The following RPS3A variants were observed in gnomAD, a reference collection of about 807,000 sequenced individuals.
RPS3A encodes the protein ribosomal protein S3A.
A neutral mutation model predicts 26.4 loss-of-function variants in RPS3A; 1 was observed. The ratio of observed to expected loss-of-function variants is 0.04; its 90% CI spans 0.01 to 0.18. The LOEUF (loss-of-function observed/expected upper bound fraction) is 0.18, where lower values mean the gene tolerates loss of function less well. RPS3A is among the 10% of genes least tolerant of loss of function. The probability of loss-of-function intolerance (pLI) is 1.00; values close to 1 mark genes in which losing one functional copy is unlikely to be tolerated. For synonymous variants in RPS3A, 97 were observed against 106.1 expected, an observed-to-expected ratio of 0.91 and a Z score of 0.53; for missense variants, 139 against 326.8, an observed-to-expected ratio of 0.43 and a Z score of 4.43.
chr4:151,099,659 G>A lies in RPS3A; in HGVS notation c.7G>A (p.Val3Ile). ...TGGCTCTCTGACCAGCACCATGGCG[G>A]TTGGCAAGAACAAGCGCCTTACGAA... MA[V>I]GKNKRLTKGG... The change falls in exon 1 of 6, where the codon GTT becomes ATT. Residue 3 changes from valine to isoleucine, a missense_variant. Coordinates refer to ENST00000274065, the MANE Select transcript of RPS3A (RefSeq NM_001006.5). The A allele has an allele frequency of 6.2e-7, 1 of 1,613,972 alleles. No individual in the cohort carries two copies. Among genetic ancestry groups the A allele is most frequent in the Non-Finnish European group, 8.5e-7 (1 of 1,179,964 alleles).
At chr4:151,100,187 C>T (rs1747057785) in intron 1 of RPS3A, among the ~76,000 whole-genome samples, 1 of 152,158 alleles carries the variant, frequency 6.6e-6, no homozygotes, top group Non-Finnish European at 1.5e-5. Context: ...AATGAGATTG[C>T]ATGTTACTCG....
At chr4:151,100,298 G>A in intron 1 of RPS3A, 187 bp from the exon 2 acceptor site, 1 of 570,452 alleles carries the variant, frequency 1.8e-6, no homozygotes, top group Non-Finnish European at 3.1e-6. Context: ...AAAGTCTGAT[G>A]CATGCAGTGA....
chr4:151,103,728 C>G (rs895886469), intron 4 of RPS3A: 4 of 1,122,818 alleles, frequency 3.6e-6, no homozygotes, highest in Admixed American at 6.4e-5. Flanking sequence ...ATAGGGAGAC[C>G]CTGTCCCAAA....
At position 151,100,552 on chromosome 4, in the gene RPS3A, A is replaced by G; in HGVS notation, c.130A>G (p.Ile44Val). Residue 44 changes from isoleucine (I) to valine (V), a missense_variant, in exon 2 of 6, where the codon ATT (isoleucine) becomes GTT (valine). Coordinates refer to ENST00000274065, the MANE Select transcript of RPS3A (RefSeq NM_001006.5). The part of the protein sequence containing the change: ...KAPAMFNIRN[I>V]GKTLVTRTQG... ...ACCTGCTATGTTCAATATAAGAAAT[A>G]TTGGAAAGACGCTCGTCACCAGGAC... The G allele has an allele frequency of 6.2e-7, 1 of 1,605,636 alleles. No individual in the cohort carries two copies. The highest frequency in any genetic ancestry group is 1.7e-4 in the Middle Eastern group (1 of 6,048).
chr4:151,101,677 G>A (rs554962642), intron 3 of RPS3A, among the ~76,000 whole-genome samples: 1 of 152,242 alleles, frequency 6.6e-6, no homozygotes, highest in South Asian at 2.1e-4. Flanking sequence ...TGAATTGTGA[G>A]GATGAAATGA....
chr4:151,100,023 G>A, intron 1 of RPS3A: 1 of 608,274 alleles, frequency 1.6e-6, no homozygotes, highest in South Asian at 1.5e-5. Flanking sequence ...ATGGCACTGC[G>A]ACAGCAGGAG....
chr4:151,104,093 C>T, intron 4 of RPS3A, 84 bp from the exon 5 acceptor site: 2 of 1,512,400 alleles, frequency 1.3e-6, no homozygotes, highest in Non-Finnish European at 1.8e-6. Context: ...AGGTTTATTC[C>T]AAGGCTTCTC....
At chr4:151,103,185 CTG>C (rs1284272662) in intron 4 of RPS3A, 106 bp downstream of exon 4, 31 of 1,457,712 alleles carry the variant, frequency 2.1e-5, no homozygotes, top group Non-Finnish European at 2.5e-5. Flanking sequence ...GAAATCCTGT[CTG>C]TGAATCCTTC....
At chr4:151,102,195 G>T in intron 3 of RPS3A, 2 of 373,120 alleles carry the variant, frequency 5.4e-6, no homozygotes, top group Non-Finnish European at 5.3e-6. Context: ...AATTGTATTT[G>T]ATTAGTTTTT....
At chr4:151,104,339 G>C in intron 5 of RPS3A, 53 bp downstream of exon 5, 1 of 1,584,730 alleles carries the variant, frequency 6.3e-7, no homozygotes, top group Non-Finnish European at 8.6e-7. Flanking sequence ...GTTTTTGGGT[G>C]GAGGAGGAGT....
intron 3 of RPS3A, among the ~76,000 whole-genome samples, chr4:151,101,648 G>T (rs190753177): frequency 1.3e-5 from 2 of 152,308 alleles, no homozygotes; most frequent in East Asian, 3.9e-4. Flanking sequence ...GTAAAGTGCA[G>T]ATAAGAGTGT....
At chr4:151,102,803 A>G in intron 3 of RPS3A, 68 bp from the exon 4 acceptor site, 2 of 1,502,534 alleles carry the variant, frequency 1.3e-6, no homozygotes, top group Non-Finnish European at 1.8e-6. Flanking sequence ...AGCTTTTTAA[A>G]ATTAGAACTT....
At chr4:151,102,200 GT>G (rs199677888) in intron 3 of RPS3A, 183 of 353,936 alleles carry the variant, frequency 5.2e-4, no homozygotes, top group South Asian at 7.6e-4. Flanking sequence ...TATTTGATTA[GT>G]TTTTTTTTAT....
At chr4:151,100,439 T>A in intron 1 of RPS3A, 46 bp from the exon 2 acceptor site, 1 of 1,061,390 alleles carries the variant, frequency 9.4e-7, no homozygotes, top group Non-Finnish European at 1.4e-6. Context: ...AAAAATACAG[T>A]AAGAATTGAT....
chr4:151,103,650 C>A, intron 4 of RPS3A: 2 of 1,068,656 alleles, frequency 1.9e-6, no homozygotes, highest in East Asian at 7.3e-5. Context: ...GCCTGGAGTC[C>A]CAGCTACTCA....
chr4:151,103,783 A>G, intron 4 of RPS3A: 1 of 1,338,528 alleles, frequency 7.5e-7, no homozygotes, highest in Non-Finnish European at 9.9e-7. Context: ...CAAAGAAAAA[A>G]TACACTGAAT....
At chr4:151,101,821 C>T (rs1747126634) in intron 3 of RPS3A, among the ~76,000 whole-genome samples, 1 of 152,114 alleles carries the variant, frequency 6.6e-6, no homozygotes, top group Non-Finnish European at 1.5e-5. Flanking sequence ...CAACCTCCTC[C>T]TCCTGGGTTC....
chr4:151,099,781 A>C, intron 1 of RPS3A, 67 bp downstream of exon 1: 1 of 1,508,002 alleles, frequency 6.6e-7, no homozygotes, highest in East Asian at 2.4e-5. Flanking sequence ...CTGGTCCTAG[A>C]TCGCGGCGTA....
intron 3 of RPS3A, among the ~76,000 whole-genome samples, chr4:151,102,517 A>G (rs181296711): frequency 4.9e-4 from 74 of 151,922 alleles, no homozygotes; most frequent in Non-Finnish European, 8.7e-4. Flanking sequence ...TCTCAGACCT[A>G]TTTTCCTCTG....
Sources: gnomAD v4.1 joint callset for allele counts (sites outside exome capture counted in the v4.1 genomes callset) on GRCh38, gnomAD v4.1.1 for gene constraint, MANE v1.5 for transcripts, NCBI Gene and HGNC (gene_info 2026-07-23, HGNC 2026-07-21) for gene names.